VPS13B: variants seen among roughly 807,000 people sequenced by gnomAD.
The protein encoded by VPS13B is vacuolar protein sorting 13 homolog B.
Under a neutral mutation model 426.4 loss-of-function variants are expected in VPS13B, and 285 were observed. The observed-to-expected ratio is 0.67, with a 90% confidence interval of 0.61 to 0.74. The LOEUF (loss-of-function observed/expected upper bound fraction) is 0.74, where lower values mean the gene tolerates loss of function less well. Ranked by LOEUF, VPS13B falls within the 30% of genes least tolerant of loss-of-function variation. The pLI is 0.00. For synonymous variants in VPS13B, 1,676 were observed against 1,676.4 expected, an observed-to-expected ratio of 1.00 and a Z score of 0.01; for missense variants, 4,537 against 4,782.6, an observed-to-expected ratio of 0.95 and a Z score of 1.51.
intron 39 of VPS13B, among the ~76,000 whole-genome samples, chr8:99,743,388 C>T (rs1336949225): frequency 1.3e-5 from 2 of 151,750 alleles, no homozygotes; most frequent in African/African-American, 2.4e-5. Context: ...GTGAAAATGG[C>T]CATACTGCCC....
intron 39 of VPS13B, among the ~76,000 whole-genome samples, chr8:99,729,112 G>A (rs1449147902): frequency 3.3e-5 from 5 of 152,126 alleles, no homozygotes; most frequent in Admixed American, 6.6e-5. Context: ...TCTTGGCCCA[G>A]TCAACTTTGG....
chr8:99,048,418 T>C (rs966909021), intron 3 of VPS13B, among the ~76,000 whole-genome samples: 5 of 152,232 alleles, frequency 3.3e-5, no homozygotes, highest in African/African-American at 1.2e-4. Context: ...CTTTCTGTCG[T>C]GATAACCTGT....
At chr8:99,395,393 T>C (rs983450258) in intron 21 of VPS13B, among the ~76,000 whole-genome samples, 6 of 152,222 alleles carry the variant, frequency 3.9e-5, no homozygotes, top group African/African-American at 1.4e-4. Context: ...ATCTTAATGA[T>C]TCCCATCCTT....
chr8:99,860,658 C>T (rs539617268), intron 57 of VPS13B, among the ~76,000 whole-genome samples: 17 of 152,290 alleles, frequency 1.1e-4, no homozygotes, highest in Middle Eastern at 3.4e-3. Context: ...GCTGCAAAAA[C>T]GACATTGAGC....
chr8:99,292,835 G>A (rs374590118), intron 19 of VPS13B, among the ~76,000 whole-genome samples: 23 of 152,184 alleles, frequency 1.5e-4, no homozygotes, highest in African/African-American at 4.8e-4. Flanking sequence ...CTAAGATACA[G>A]ACAGTGGTTT....
intron 12 of VPS13B, among the ~76,000 whole-genome samples, chr8:99,142,718 A>G (rs184206237): frequency 2.0e-5 from 3 of 152,352 alleles, no homozygotes; most frequent in Admixed American, 2.0e-4. Context: ...TAATTTTCTA[A>G]GAATGACAAT....
At chr8:99,613,725 G>A (rs1455981401) in intron 33 of VPS13B, 3 of 152,166 alleles carry the variant, frequency 2.0e-5, no homozygotes, top group African/African-American at 4.8e-5. Flanking sequence ...TTCTTTTAAC[G>A]TGGTGACATG....
intron 19 of VPS13B, among the ~76,000 whole-genome samples, chr8:99,372,184 G>A (rs1422156585): frequency 3.3e-5 from 5 of 150,750 alleles, no homozygotes; most frequent in Admixed American, 6.6e-5. Flanking sequence ...CCCAGGGGGC[G>A]GAGCCTGCAG....
intron 31 of VPS13B, among the ~76,000 whole-genome samples, chr8:99,573,218 G>A (rs1825580665): frequency 6.6e-6 from 1 of 152,154 alleles, no homozygotes; most frequent in Non-Finnish European, 1.5e-5. Flanking sequence ...CAGATGAGTA[G>A]CTTGCAAAAA....
At chr8:99,042,175 C>A (rs1447774671) in intron 3 of VPS13B, among the ~76,000 whole-genome samples, 2 of 151,862 alleles carry the variant, frequency 1.3e-5, no homozygotes, top group Non-Finnish European at 2.9e-5. Flanking sequence ...ATCTTTTGAA[C>A]CTAAAAATCT....
chr8:99,226,417 C>A (rs80349321), intron 17 of VPS13B, among the ~76,000 whole-genome samples: 2,022 of 152,284 alleles, frequency 0.013, 28 homozygotes, highest in South Asian at 0.056. Flanking sequence ...ATATGCCTTA[C>A]ATACTTTTAA....
chr8:99,527,486 G>T (rs983365367), intron 30 of VPS13B, among the ~76,000 whole-genome samples: 4 of 151,914 alleles, frequency 2.6e-5, no homozygotes, highest in Admixed American at 2.0e-4. Context: ...CCAGCTCCTG[G>T]ATAGGATGAT....
intron 8 of VPS13B, among the ~76,000 whole-genome samples, chr8:99,124,300 G>A (rs1848084165): frequency 1.3e-5 from 2 of 152,206 alleles, no homozygotes; most frequent in African/African-American, 2.4e-5. Context: ...TTGATTAAAA[G>A]CAAATGGGAA....
In VPS13B at chr8:99,062,658, G is replaced by A. The variant is rs557954045; in HGVS notation, c.291+24092G>A. On this transcript the variant is annotated intron_variant, in intron 3 of 61. Transcript: ENST00000357162. ...TAATTTTGTATTTTTAGTAGAGATG[G>A]GGTGTCTCCATGTTGGTCAGGCTGG... Among the ~76,000 whole-genome samples, 6 of 151,928 alleles carry A rather than the reference G, an allele frequency of 3.9e-5. No homozygotes were observed. In the South Asian group the frequency reaches 8.4e-4, roughly 21 times the overall value.
chr8:99,280,320 C>T (rs1052510349), intron 19 of VPS13B, among the ~76,000 whole-genome samples: 1 of 152,124 alleles, frequency 6.6e-6, no homozygotes, highest in African/African-American at 2.4e-5. Flanking sequence ...TGCCTTTTCC[C>T]TACTCCCTCC....
chr8:99,720,808 C>T, intron 38 of VPS13B, 55 bp from the exon 39 acceptor site: 1 of 1,498,672 alleles, frequency 6.7e-7, no homozygotes, highest in South Asian at 1.2e-5. Flanking sequence ...TTACTTTTTC[C>T]CCTTTGTCAT....
intron 43 of VPS13B, among the ~76,000 whole-genome samples, chr8:99,794,046 G>A (rs1447094328): frequency 6.6e-6 from 1 of 152,194 alleles, no homozygotes; most frequent in Non-Finnish European, 1.5e-5. Context: ...GATAGCTTGA[G>A]GCCAGGTATT....
chr8:99,698,507 C>T (rs1832128399), intron 35 of VPS13B, among the ~76,000 whole-genome samples: 1 of 152,212 alleles, frequency 6.6e-6, no homozygotes, highest in Non-Finnish European at 1.5e-5. Context: ...CAATAGATCT[C>T]TCTTCCTGCA....
chr8:99,358,439 T>A (rs1268233159), intron 19 of VPS13B, among the ~76,000 whole-genome samples: 1 of 152,198 alleles, frequency 6.6e-6, no homozygotes, highest in Non-Finnish European at 1.5e-5. Context: ...AATTAGTGAT[T>A]TCATCTGACA....
Sources: gnomAD v4.1 joint callset for allele counts (sites outside exome capture counted in the v4.1 genomes callset) on GRCh38, gnomAD v4.1.1 for gene constraint, MANE v1.5 for transcripts, NCBI Gene and HGNC (gene_info 2026-07-23, HGNC 2026-07-21) for gene names.